The following SMARCAL1 variants were observed in gnomAD, a reference collection of about 807,000 sequenced individuals.
The protein encoded by SMARCAL1 is SNF2 related chromatin remodeling annealing helicase 1.
A neutral mutation model predicts 94.5 loss-of-function variants in SMARCAL1; 58 were observed. The ratio of observed to expected loss-of-function variants is 0.61; its 90% CI spans 0.50 to 0.76. SMARCAL1 has a LOEUF of 0.76. Among genes scored for constraint, SMARCAL1 ranks in the 30% least tolerant of loss-of-function variants. SMARCAL1 has a pLI of 0.00. For synonymous variants in SMARCAL1, 422 were observed against 455.1 expected, an observed-to-expected ratio of 0.93 and a Z score of 0.93; for missense variants, 1,051 against 1,177.9, an observed-to-expected ratio of 0.89 and a Z score of 1.58.
chr2:216,464,951 G>C (rs1428933854), intron 13 of SMARCAL1, among the ~76,000 whole-genome samples: 1 of 152,138 alleles, frequency 6.6e-6, no homozygotes, highest in Non-Finnish European at 1.5e-5. Flanking sequence ...TTTGAGACCA[G>C]CCTGGACAAC....
At chr2:216,435,606 A>G in intron 9 of SMARCAL1, 110 bp downstream of exon 9, 2 of 958,028 alleles carry the variant, frequency 2.1e-6, no homozygotes, top group Non-Finnish European at 3.3e-6. Flanking sequence ...TTTAGTTTCT[A>G]GAAGAATAGA....
At chr2:216,413,369 C>T (rs1693509073) in intron 1 of SMARCAL1, among the ~76,000 whole-genome samples, 1 of 152,166 alleles carries the variant, frequency 6.6e-6, no homozygotes, top group African/African-American at 2.4e-5. Context: ...ATATTGTAAA[C>T]ATGTCTCAGC....
chr2:216,449,866 C>G (rs1220959918), intron 11 of SMARCAL1, among the ~76,000 whole-genome samples: 1 of 151,172 alleles, frequency 6.6e-6, no homozygotes, highest in Non-Finnish European at 1.5e-5. Flanking sequence ...GAGACAGAGT[C>G]TTGCTCTGTT....
chr2:216,452,371 C>T (rs1197528645), intron 12 of SMARCAL1, among the ~76,000 whole-genome samples: 1 of 152,112 alleles, frequency 6.6e-6, no homozygotes, highest in Admixed American at 6.5e-5. Flanking sequence ...CTTTCGTCTA[C>T]TGGTGAACTC....
chr2:216,427,018 G>GC (rs1317561976), intron 6 of SMARCAL1: 1 of 152,162 alleles, frequency 6.6e-6, no homozygotes. Context: ...CAGGCCTTTT[G>GC]CCCCCAGTGA....
intron 10 of SMARCAL1, chr2:216,446,540 C>T (rs1435843772): frequency 2.7e-6 from 1 of 374,092 alleles, no homozygotes; most frequent in African/African-American, 2.1e-5. Context: ...TGTCACAGAT[C>T]CACTCTGGAG....
At chr2:216,461,053 GAGGTGT>G (rs1304146557) in intron 12 of SMARCAL1, among the ~76,000 whole-genome samples, 2 of 115,996 alleles carry the variant, frequency 1.7e-5, no homozygotes, top group African/African-American at 3.5e-5. Context: ...AAACTAGAAA[GAGGTGT>G]GTGTGTGTGT....
chr2:216,424,638 T>C (rs903020034), intron 6 of SMARCAL1, among the ~76,000 whole-genome samples: 3 of 152,144 alleles, frequency 2.0e-5, no homozygotes, highest in African/African-American at 7.2e-5. Context: ...CTATGTGACA[T>C]TGGGTAAATA....
chr2:216,422,493 A>G (rs1285150355), intron 5 of SMARCAL1, among the ~76,000 whole-genome samples: 1 of 152,228 alleles, frequency 6.6e-6, no homozygotes, highest in Non-Finnish European at 1.5e-5. Context: ...GCTCACACCC[A>G]GGTGTCCAAA....
intron 12 of SMARCAL1, among the ~76,000 whole-genome samples, chr2:216,459,084 T>C (rs1167633798): frequency 6.6e-6 from 1 of 152,112 alleles, no homozygotes; most frequent in Non-Finnish European, 1.5e-5. Flanking sequence ...CCATTCACAA[T>C]TGCTTCAAAG....
chr2:216,467,046 T>G (rs1694843968), intron 13 of SMARCAL1, among the ~76,000 whole-genome samples: 1 of 152,120 alleles, frequency 6.6e-6, no homozygotes, highest in Non-Finnish European at 1.5e-5. Flanking sequence ...GCTTACCTCT[T>G]CTTTGGGATT....
chr2:216,435,293 G>C (rs886450221), intron 8 of SMARCAL1, 45 bp from the exon 9 acceptor site: 2 of 1,610,326 alleles, frequency 1.2e-6, no homozygotes, highest in Non-Finnish European at 1.7e-6. Flanking sequence ...AACAGCTGCT[G>C]TGCTGGGTGG....
intron 9 of SMARCAL1, among the ~76,000 whole-genome samples, chr2:216,437,907 A>T (rs1378828501): frequency 6.6e-6 from 1 of 152,196 alleles, no homozygotes; most frequent in Non-Finnish European, 1.5e-5. Context: ...TCCGTCTCTC[A>T]GTTTCCCCAG....
chr2:216,425,480 G>T (rs925294595), intron 6 of SMARCAL1, among the ~76,000 whole-genome samples: 2 of 152,174 alleles, frequency 1.3e-5, no homozygotes, highest in Non-Finnish European at 2.9e-5. Flanking sequence ...CAAGGTCTGG[G>T]CTCCCAGAAA....
chr2:216,432,388 C>T (rs1408921765), intron 7 of SMARCAL1, among the ~76,000 whole-genome samples: 4 of 152,220 alleles, frequency 2.6e-5, no homozygotes, highest in African/African-American at 9.6e-5. Flanking sequence ...TGTACGTCCC[C>T]TGTGCCCTGC....
intron 5 of SMARCAL1, 74 bp downstream of exon 5, chr2:216,420,606 A>G: frequency 8.6e-7 from 1 of 1,159,216 alleles, no homozygotes; most frequent in Middle Eastern, 1.9e-4. Context: ...GTTTTTCTCT[A>G]CCTCGAATAT....
intron 14 of SMARCAL1, among the ~76,000 whole-genome samples, chr2:216,469,563 T>C (rs1694916946): frequency 1.3e-5 from 2 of 152,214 alleles, no homozygotes; most frequent in African/African-American, 4.8e-5. Context: ...TTCTTTATAC[T>C]GCATTACACG....
rs2066519 is a variant in SMARCAL1 at position 216,420,560 on chromosome 2, C to A, written c.1096+28C>A. 2.1e-3 allele frequency: 3,227 copies of A among 1,553,984 alleles called. 51 individuals carry two copies. The African/African-American group carries it at 0.039, about 19-fold the overall frequency. ...AAGTAATTGGTCTTTGTCTGATTCCCAGAATGTGTAGTGGTCTGTGATCTC... is the reference window on the plus strand; with the variant it reads ...AAGTAATTGGTCTTTGTCTGATTCCAAGAATGTGTAGTGGTCTGTGATCTC... On this transcript the variant is annotated intron_variant, in intron 5 of 17. Transcript: ENST00000357276.
rs192585010 is a variant in SMARCAL1 at position 216,436,230 on chromosome 2, A to G, written c.1644+734A>G. ...GTGATCCACCCACCTTGGCCTCCCA[A>G]AGTGCTGGGATTACAGGCATGAGCC... On this transcript the variant is annotated intron_variant, in intron 9 of 17. Coordinates refer to ENST00000357276, the MANE Select transcript of SMARCAL1 (RefSeq NM_014140.4). Among the ~76,000 whole-genome samples, 10 of 152,258 alleles carry G rather than the reference A, an allele frequency of 6.6e-5. No individual in the cohort carries two copies. The East Asian group carries it at 1.9e-3, about 29-fold the overall frequency.
Sources: allele counts gnomAD v4.1 joint callset (sites outside exome capture counted in the v4.1 genomes callset), GRCh38; gene constraint gnomAD v4.1.1; transcripts MANE v1.5; gene names NCBI Gene and HGNC (gene_info 2026-07-23, HGNC 2026-07-21).